Variants in NKPD1 observed in about 807,000 individuals in gnomAD.
NKPD1 encodes NTPase KAP family P-loop domain-containing protein 1.
In NKPD1, 37 loss-of-function variants were observed where a neutral mutation model predicts 42.2. The observed-to-expected ratio is 0.88, with a 90% CI of 0.67 to 1.15. The LOEUF is 1.15. Ranked by LOEUF, NKPD1 falls within the 50% of genes most tolerant of loss-of-function variation. The probability of loss-of-function intolerance (pLI) is 0.00; values close to 1 mark genes in which losing one functional copy is unlikely to be tolerated. For missense variants in NKPD1, 1,113 were observed against 1,174.6 expected, an observed-to-expected ratio of 0.95 and a Z score of 0.77; for synonymous variants, 552 against 536.5, an observed-to-expected ratio of 1.03 and a Z score of -0.40.
Position 45,152,348 on chromosome 19 carries a change from T to C in NKPD1, c.2089A>G (p.Asn697Asp). The change falls in exon 5 of 5, where the codon AAC (asparagine) becomes GAC (aspartate). Residue 697 changes from asparagine to aspartate, a missense_variant. Around this residue, in one of 3 missense-constraint regions of NKPD1, gnomAD observed 867 missense variants for 870.1 expected, o/e 1.00. Transcript: ENST00000686631. ...GTCATGGTGTGCAGCTCGCGGCTGT[T>C]GTCGCGGAAAACGTCCCAGAGGCGC... is the stretch of plus-strand genomic sequence containing the variant. ...RARLWDVFRD[N>D]SRELHTMTKA... The C allele has an allele frequency of 6.2e-7, 1 of 1,604,342 alleles. No individual in the cohort carries two copies.
chr19:45,159,817 A>ACGGGG (rs1491165710), intron 2 of NKPD1, among the ~76,000 whole-genome samples: 2 of 152,108 alleles, frequency 1.3e-5, no homozygotes, highest in African/African-American at 2.4e-5. Context: ...GGGTTTGGAA[A>ACGGGG]CGGGGCAGGG....
In NKPD1 at chr19:45,152,039, C is replaced by T; in HGVS notation, c.2398G>A (p.Gly800Ser). The change falls in exon 5 of 5, where the codon GGC becomes AGC. Residue 800 changes from glycine to serine, a missense_variant. Coordinates refer to ENST00000686631, the MANE Select transcript of NKPD1 (RefSeq NM_198478.4). ...PPSGRASGQAGEGHHTGDLAH... is the reference protein window; with the variant it reads ...PPSGRASGQASEGHHTGDLAH... ...AAGTCCCCAGTGTGGTGGCCTTCGC[C>T]GGCTTGCCCTGAGGCACGGCCCGAC... The T allele has an allele frequency of 6.2e-7, 1 of 1,609,458 alleles. No homozygotes were observed. The highest frequency in any genetic ancestry group is 1.7e-4 in the Middle Eastern group (1 of 6,038).
chr19:45,151,993 C>T lies in NKPD1; in HGVS notation c.2444G>A (p.Trp815Ter). The T allele has an allele frequency of 6.2e-7, 1 of 1,608,702 alleles. No individual in the cohort carries two copies. The highest frequency in any genetic ancestry group is 1.3e-5 in the African/African-American group (1 of 74,898). Residue 815 changes from tryptophan to a stop codon, truncating the protein, a stop_gained, in exon 5 of 5, where the codon TGG (tryptophan) becomes TAG (stop). Coordinates refer to ENST00000686631, the MANE Select transcript of NKPD1 (RefSeq NM_198478.4). LOFTEE classifies it low-confidence loss of function (END_TRUNC). ...ACGGAAGAGCGCACAGGCCACCGGC[C>T]ATAGCTTGCCCCTGTGGGCCAAGTC... The part of the protein sequence containing the change: ...TGDLAHRGKL[W>*]PVACALFRPG...
At chr19:45,159,298 G>A (rs542508160) in intron 2 of NKPD1, among the ~76,000 whole-genome samples, 198 bp from the exon 3 acceptor site, 20 of 152,322 alleles carry the variant, frequency 1.3e-4, no homozygotes, top group South Asian at 4.1e-4. Flanking sequence ...GTCCCATGGC[G>A]GGGGAGCAGG....
chr19:45,152,836 C>A lies in NKPD1; in HGVS notation c.1601G>T (p.Arg534Leu). ...GTGCAGGAACTGCAGCTTGGTGCGG[C>A]GGCCCATAATGGGCACAGAGAAGGG... is the stretch of plus-strand genomic sequence containing the variant. ...TLPFSVPIMG[R>L]RTKLQFLHDA... The change falls in exon 5 of 5, where the codon CGC (arginine) becomes CTC (leucine). Residue 534 changes from arginine (R) to leucine (L), a missense_variant. This residue lies in a region of NKPD1 where 867 missense variants were observed against 870.1 expected (regional missense o/e 1.00). Coordinates refer to ENST00000686631, the MANE Select transcript of NKPD1 (RefSeq NM_198478.4). The A allele has an allele frequency of 1.3e-6, 2 of 1,594,442 alleles. No individual in the cohort carries two copies. The highest frequency in any genetic ancestry group is 1.7e-6 in the Non-Finnish European group (2 of 1,167,924).
Position 45,152,040 on chromosome 19 carries a change from G to C in NKPD1, c.2397C>G (p.Ala799=). ...AGTCCCCAGTGTGGTGGCCTTCGCCGGCTTGCCCTGAGGCACGGCCCGACG... is the reference window on the plus strand; with the variant it reads ...AGTCCCCAGTGTGGTGGCCTTCGCCCGCTTGCCCTGAGGCACGGCCCGACG... The part of the protein sequence containing the change: ...APPSGRASGQ[A]GEGHHTGDLA... Residue 799 remains alanine (A), a synonymous_variant, in exon 5 of 5, where the codon GCC becomes GCG. Coordinates refer to ENST00000686631, the MANE Select transcript of NKPD1 (RefSeq NM_198478.4). The C allele has an allele frequency of 6.2e-7, 1 of 1,609,408 alleles. No individual in the cohort carries two copies. The highest frequency in any genetic ancestry group is 8.5e-7 in the Non-Finnish European group (1 of 1,178,412).
chr19:45,153,848 G>T (rs1052441512), intron 4 of NKPD1, 73 bp from the exon 5 acceptor site: 2 of 1,376,228 alleles, frequency 1.5e-6, no homozygotes, highest in African/African-American at 3.1e-5. Flanking sequence ...TACGGGCAGG[G>T]CGGAGCGCTC....
chr19:45,162,177 C>T (rs1020842766), upstream of NKPD1, among the ~76,000 whole-genome samples: 2 of 152,154 alleles, frequency 1.3e-5, no homozygotes, highest in Non-Finnish European at 2.9e-5. Flanking sequence ...GAGATTGCCC[C>T]GGGCTGGGAG....
In NKPD1 at chr19:45,152,230, G is replaced by C; in HGVS notation, c.2207C>G (p.Ala736Gly). 1 of 1,604,686 alleles carries C rather than the reference G, an allele frequency of 6.2e-7. No homozygotes were observed. Among genetic ancestry groups the C allele is most frequent in the Non-Finnish European group, 8.5e-7 (1 of 1,176,590 alleles). Reference protein sequence around the residue: ...GADFPFTVAEAQSLLRCTVNL... With the variant: ...GADFPFTVAEGQSLLRCTVNL... Reference sequence around the variant, plus strand: ...GACCGTGCAGCGCAGCAGGCTCTGCGCCTCGGCCACGGTGAAGGGGAAGTC... The same window carrying C: ...GACCGTGCAGCGCAGCAGGCTCTGCCCCTCGGCCACGGTGAAGGGGAAGTC... Residue 736 changes from alanine (A) to glycine (G), a missense_variant, in exon 5 of 5, where the codon GCG (alanine) becomes GGG (glycine). Coordinates refer to ENST00000686631, the MANE Select transcript of NKPD1 (RefSeq NM_198478.4).
At chr19:45,156,143 C>A (rs986308837) in intron 3 of NKPD1, among the ~76,000 whole-genome samples, 1 of 152,158 alleles carries the variant, frequency 6.6e-6, no homozygotes, top group Non-Finnish European at 1.5e-5. Flanking sequence ...AGGCTGGAAT[C>A]CCCCCAGCCA....
chr19:45,151,698 T>G lies in NKPD1; in HGVS notation c.*240A>C. On this transcript the variant is annotated 3_prime_UTR_variant, in exon 5 of 5. Transcript: ENST00000686631. Reference sequence around the variant, plus strand: ...CAACTCCGGGCTCTCAACACCTCCATTTATTGCATGTATACCCTGACTTCC... The same window carrying G: ...CAACTCCGGGCTCTCAACACCTCCAGTTATTGCATGTATACCCTGACTTCC... 1 of 467,074 alleles carries G rather than the reference T, an allele frequency of 2.1e-6. No individual in the cohort carries two copies. 28.9% of individuals were successfully genotyped at this position (467,074 alleles called of 1,614,324 possible). A position where few individuals can be genotyped will look rare whatever the true frequency, so the allele number is the denominator to read the frequency against.
chr19:45,162,308 G>C (rs539749022), upstream of NKPD1, among the ~76,000 whole-genome samples: 1 of 152,210 alleles, frequency 6.6e-6, no homozygotes, highest in African/African-American at 2.4e-5. Context: ...GGAATAGGAA[G>C]GGGTGACCCA....
chr19:45,162,218 G>T (rs1381284836), upstream of NKPD1, among the ~76,000 whole-genome samples: 2 of 152,210 alleles, frequency 1.3e-5, no homozygotes, highest in Non-Finnish European at 2.9e-5. Context: ...TGGACACTAG[G>T]GGGAGCAGGC....
rs1330059962 is a variant in NKPD1 at position 45,158,307 on chromosome 19, CA to C, written c.529+355del. Among the ~76,000 whole-genome samples the C allele has an allele frequency of 6.6e-6, 1 of 152,232 alleles. No individual in the cohort carries two copies. The highest frequency in any genetic ancestry group is 1.9e-4 in the East Asian group (1 of 5,198). ...CAGAGCCAGCCAACAACCCAGGGCT[CA>C]CCATCCCTGCCCCATGTACCCTGTA... On this transcript the variant is annotated intron_variant, in intron 3 of 4. Transcript: ENST00000686631. The surrounding 1 kb of genome is among the most constrained non-coding windows in gnomAD (Gnocchi z 4.6).
chr19:45,158,664 G>C lies in NKPD1; in HGVS notation c.528C>G (p.Ser176=). The change falls in exon 3 of 5, where the codon TCC becomes TCG. Residue 176 remains serine, a splice_region_variant and synonymous_variant. Transcript: ENST00000686631. The surrounding 1 kb of genome is among the most constrained non-coding windows in gnomAD (Gnocchi z 4.6). ...AACGSFTAYS[S]DILTEDDVYC... ...CCCCAAGAAGGCCAGGGTGAGCACCGGAGCTGTAGGCAGTGAAGGAGCCAC... is the reference window on the plus strand; with the variant it reads ...CCCCAAGAAGGCCAGGGTGAGCACCCGAGCTGTAGGCAGTGAAGGAGCCAC... The C allele has an allele frequency of 8.6e-7, 1 of 1,166,908 alleles. No individual in the cohort carries two copies. The highest frequency in any genetic ancestry group is 1.1e-6 in the Non-Finnish European group (1 of 930,606). 72.3% of individuals were successfully genotyped at this position (1,166,908 alleles called of 1,614,324 possible). A position where few individuals can be genotyped will look rare whatever the true frequency, so the allele number is the denominator to read the frequency against.
chr19:45,161,030 C>T (rs1257698048), upstream of NKPD1, among the ~76,000 whole-genome samples: 11 of 152,192 alleles, frequency 7.2e-5, no homozygotes, highest in African/African-American at 9.7e-5. Flanking sequence ...GCCCAGTGCC[C>T]GCCTGACCGG....
At position 45,153,094 on chromosome 19, in the gene NKPD1, T is replaced by C; in HGVS notation, c.1343A>G (p.Gln448Arg). 1 of 1,575,614 alleles carries C rather than the reference T, an allele frequency of 6.3e-7. No individual in the cohort carries two copies. ...CAGCACCACGCGCAGCCTGCGCCGC[T>C]GGTAGATCTCCAGGAAGCACAGGAA... ...TDFLCFLEIY[Q>R]RRRLRVVLEV... Residue 448 changes from glutamine (Q) to arginine (R), a missense_variant, in exon 5 of 5, where the codon CAG (glutamine) becomes CGG (arginine). Gln to Arg is a conservative substitution (Grantham distance 43). Coordinates refer to ENST00000686631, the MANE Select transcript of NKPD1 (RefSeq NM_198478.4).
At position 45,153,422 on chromosome 19, in the gene NKPD1, G is replaced by C; in HGVS notation, c.1015C>G (p.Arg339Gly). ...CCQSEWHCRR[R>G]VCLGLLALLA... ...AGCGCCAGCAGCCCCAGGCACACGCGGCGCCGACAATGCCACTCGCTCTGG... is the reference window on the plus strand; with the variant it reads ...AGCGCCAGCAGCCCCAGGCACACGCCGCGCCGACAATGCCACTCGCTCTGG... Residue 339 changes from arginine to glycine, a missense_variant, in exon 5 of 5, where the codon CGC becomes GGC. Arg to Gly is a moderately radical substitution (Grantham distance 125). Transcript: ENST00000686631. 1.3e-6 allele frequency: 2 copies of C among 1,549,070 alleles called. No homozygotes were observed. Among genetic ancestry groups the C allele is most frequent in the Non-Finnish European group, 1.7e-6 (2 of 1,151,036 alleles).
Position 45,159,075 on chromosome 19 carries a change from G to A in NKPD1, c.117C>T (p.Asp39=), listed in dbSNP as rs746523329. Residue 39 remains aspartate, a synonymous_variant, in exon 3 of 5, where the codon GAC becomes GAT. Coordinates refer to ENST00000686631, the MANE Select transcript of NKPD1 (RefSeq NM_198478.4). The part of the protein sequence containing the change: ...RKGCCHQWRQ[D]SAALRAHGPC... Reference sequence around the variant, plus strand: ...GCCCATGGGCTCGGAGGGCCGCTGAGTCCTGGCGCCACTGATGACAGCATC... The same window carrying A: ...GCCCATGGGCTCGGAGGGCCGCTGAATCCTGGCGCCACTGATGACAGCATC... The A allele has an allele frequency of 2.1e-5, 27 of 1,292,836 alleles. No homozygotes were observed. The South Asian group carries it at 2.9e-4, about 14-fold the overall frequency. 80.1% of individuals were successfully genotyped at this position (1,292,836 alleles called of 1,614,324 possible).
Sources: allele counts gnomAD v4.1 joint callset (sites outside exome capture counted in the v4.1 genomes callset), GRCh38; gene constraint gnomAD v4.1.1; regional missense constraint gnomAD v4.1.1; non-coding constraint Gnocchi (gnomAD v3.1); transcripts MANE v1.5; gene names NCBI Gene and HGNC (gene_info 2026-07-23, HGNC 2026-07-21).